GORASP1: variants seen among roughly 807,000 people sequenced by gnomAD.
GORASP1 encodes golgi reassembly stacking protein 1.
A neutral mutation model predicts 37.7 loss-of-function variants in GORASP1; 31 were observed. The observed-to-expected ratio is 0.82, with a 90% confidence interval of 0.62 to 1.11. GORASP1 has a LOEUF of 1.11. Ranked by LOEUF, GORASP1 falls within the 50% of genes least tolerant of loss-of-function variation. GORASP1 has a pLI of 0.00. For missense variants in GORASP1, 476 were observed against 560.7 expected (o/e 0.85, Z 1.53); for synonymous variants, 204 against 224.8 (o/e 0.91, Z 0.83).
chr3:39,098,805 G>A lies in GORASP1; in HGVS notation c.1005C>T (p.Thr335=), dbSNP rs758228204. The A allele has an allele frequency of 3.1e-6, 5 of 1,614,180 alleles. No homozygotes were observed. In the South Asian group the frequency reaches 4.4e-5, roughly 14 times the overall value. ...CTGGCCCTGAGGTTGAGACAGCTGTGGTGGTCAGTTCTGTGGAAGAGGGCA... is the reference window on the plus strand; with the variant it reads ...CTGGCCCTGAGGTTGAGACAGCTGTAGTGGTCAGTTCTGTGGAAGAGGGCA... The part of the protein sequence containing the change: ...PSLPSSTELT[T]TAVSTSGPED... The change falls in exon 8 of 9, where the codon ACC becomes ACT. Residue 335 remains threonine (T), a synonymous_variant. Transcript: ENST00000319283. The surrounding 1 kb of genome is among the most constrained non-coding windows in gnomAD (Gnocchi z 4.7).
At position 39,100,529 on chromosome 3, in the gene GORASP1, C is replaced by G; in HGVS notation, c.567-26G>C. ...CTGCCGAAGGCCAGAAACATTCAAT[C>G]CAGGGGCTTGTCCCACGGCCCTCCC... On this transcript the variant is annotated intron_variant, in intron 5 of 8. Transcript: ENST00000319283. The surrounding 1 kb of genome is among the most constrained non-coding windows in gnomAD (Gnocchi z 4.6). The G allele has an allele frequency of 6.5e-7, 1 of 1,539,866 alleles. No individual in the cohort carries two copies. The highest frequency in any genetic ancestry group is 8.7e-7 in the Non-Finnish European group (1 of 1,145,036).
chr3:39,106,560 G>A (rs370660915), intron 1 of GORASP1, among the ~76,000 whole-genome samples: 1 of 152,074 alleles, frequency 6.6e-6, no homozygotes, highest in African/African-American at 2.4e-5. Flanking sequence ...GCTGGCAACA[G>A]ACCCTACCTT....
chr3:39,104,455 C>A (rs17038467), intron 1 of GORASP1, among the ~76,000 whole-genome samples: 6 of 152,164 alleles, frequency 3.9e-5, no homozygotes. Context: ...AGGCCCTAGA[C>A]CCGAAGATGG....
intron 1 of GORASP1, chr3:39,107,004 C>T: frequency 2.2e-6 from 1 of 453,526 alleles, no homozygotes; most frequent in South Asian, 1.6e-5. Flanking sequence ...ACTGGCAGGA[C>T]GCGCGCCGAC....
chr3:39,102,922 C>T lies in GORASP1; in HGVS notation c.145-41G>A. The T allele has an allele frequency of 6.3e-7, 1 of 1,582,928 alleles. No homozygotes were observed. ...GGCTGACTCCAAGGCCACCTCATGC[C>T]CAGGCTAGGACCCTCAGACAAGTCT... is the stretch of plus-strand genomic sequence containing the variant. On this transcript the variant is annotated intron_variant, in intron 2 of 8. Transcript: ENST00000319283. This position sits in a 1 kb window ranked among gnomAD's most constrained non-coding sequence, Gnocchi z 5.0.
At position 39,098,032 on chromosome 3, in the gene GORASP1, C is replaced by T; in HGVS notation, c.*204G>A. The T allele has an allele frequency of 5.0e-6, 3 of 603,722 alleles. No individual in the cohort carries two copies. In the South Asian group the frequency reaches 6.2e-5, roughly 12 times the overall value. The allele number at this position is 603,722 out of a possible 1,614,324, so 37.4% of individuals were successfully genotyped here. On this transcript the variant is annotated 3_prime_UTR_variant, in exon 9 of 9. Transcript: ENST00000319283. The surrounding 1 kb of genome is among the most constrained non-coding windows in gnomAD (Gnocchi z 4.7). ...CTGCCTCCTGGGAAGCCCCAGTGAC[C>T]AGAGCAGGACCAAGCACTGGACCTG...
rs1420226569 is a variant in GORASP1 at position 39,102,672 on chromosome 3, A to G, written c.348+6T>C. 1.2e-6 allele frequency: 2 copies of G among 1,613,322 alleles called. No individual in the cohort carries two copies. The highest frequency in any genetic ancestry group is 1.1e-5 in the South Asian group (1 of 91,014). On this transcript the variant is annotated splice_donor_region_variant and intron_variant, in intron 3 of 8. Coordinates refer to ENST00000319283, the MANE Select transcript of GORASP1 (RefSeq NM_031899.4). This position sits in a 1 kb window ranked among gnomAD's most constrained non-coding sequence, Gnocchi z 5.0. ...CACACCCTGCCCTGCCATACCCCAC[A>G]CTCACCAGCACATGCCACACCTGCT...
Position 39,099,362 on chromosome 3 carries a change from T to G in GORASP1, c.907A>C (p.Met303Leu). 1 of 1,613,126 alleles carries G rather than the reference T, an allele frequency of 6.2e-7. No homozygotes were observed. Among genetic ancestry groups the G allele is most frequent in the Non-Finnish European group, 8.5e-7 (1 of 1,179,604 alleles). ...LQPPPPVQRV[M>L]DPGFLDVSGI... ...AGGGCCTGCCCAGTACCTGGGTCCA[T>G]AACTCGCTGCACTGGAGGTGGGGGC... The change falls in exon 7 of 9, where the codon ATG becomes CTG. Residue 303 changes from methionine to leucine, a missense_variant. Met to Leu is a conservative substitution (Grantham distance 15). Coordinates refer to ENST00000319283, the MANE Select transcript of GORASP1 (RefSeq NM_031899.4).
At position 39,102,277 on chromosome 3, in the gene GORASP1, C is replaced by T. The variant is rs1474865900; in HGVS notation, c.348+401G>A. On this transcript the variant is annotated intron_variant, in intron 3 of 8. Transcript: ENST00000319283. The surrounding 1 kb of genome is among the most constrained non-coding windows in gnomAD (Gnocchi z 5.0). ...ATATGGTATTATAATCTTATGGGAT[C>T]ACTATTGTATATGCAGTCCGTGGTT... Among the ~76,000 whole-genome samples the T allele has an allele frequency of 6.6e-6, 1 of 152,098 alleles. No homozygotes were observed. Among genetic ancestry groups the T allele is most frequent in the African/African-American group, 2.4e-5 (1 of 41,406 alleles).
Position 39,100,660 on chromosome 3 carries a change from C to A in GORASP1, c.566+87G>T, listed in dbSNP as rs1196224290. The A allele has an allele frequency of 6.5e-7, 1 of 1,544,544 alleles. No homozygotes were observed. The highest frequency in any genetic ancestry group is 8.8e-7 in the Non-Finnish European group (1 of 1,140,972). ...CCTGGGCCCAGGGCCCAACCCTCCTCCATCTCCACCATAGAACTCTGAGGT... is the reference window on the plus strand; with the variant it reads ...CCTGGGCCCAGGGCCCAACCCTCCTACATCTCCACCATAGAACTCTGAGGT... On this transcript the variant is annotated intron_variant, in intron 5 of 8. Coordinates refer to ENST00000319283, the MANE Select transcript of GORASP1 (RefSeq NM_031899.4). The surrounding 1 kb of genome is among the most constrained non-coding windows in gnomAD (Gnocchi z 4.6).
chr3:39,098,387 C>A lies in GORASP1; in HGVS notation c.1172G>T (p.Ser391Ile). 1.2e-6 allele frequency: 2 copies of A among 1,614,162 alleles called. No homozygotes were observed. Among genetic ancestry groups the A allele is most frequent in the South Asian group, 2.2e-5 (2 of 91,056 alleles). The change falls in exon 9 of 9, where the codon AGT becomes ATT. Residue 391 changes from serine (S) to isoleucine (I), a missense_variant. By Grantham distance (142) the Ser-to-Ile change is moderately radical. Coordinates refer to ENST00000319283, the MANE Select transcript of GORASP1 (RefSeq NM_031899.4). The surrounding 1 kb of genome is among the most constrained non-coding windows in gnomAD (Gnocchi z 4.7). Reference protein sequence around the residue: ...DHLPQLTLPDSLTSAASPEDG... With the variant: ...DHLPQLTLPDILTSAASPEDG... ...TTCTGGTGAGGCTGCAGAGGTGAGA[C>A]TGTCAGGAAGAGTCAGCTGAGGCAG...
intron 6 of GORASP1, 134 bp from the exon 7 acceptor site, chr3:39,099,637 T>C (rs930494002): frequency 2.1e-6 from 2 of 961,288 alleles, no homozygotes; most frequent in Non-Finnish European, 3.1e-6. Context: ...GAAATGGCCT[T>C]AATAAACCAC....
chr3:39,102,515 A>C lies in GORASP1; in HGVS notation c.348+163T>G. On this transcript the variant is annotated intron_variant, in intron 3 of 8. Coordinates refer to ENST00000319283, the MANE Select transcript of GORASP1 (RefSeq NM_031899.4). The surrounding 1 kb of genome is among the most constrained non-coding windows in gnomAD (Gnocchi z 5.0). Reference sequence around the variant, plus strand: ...GTAGTAATGAGCTGCCCTCTCTGGGACACTGGAATGAGACCACATCCTGCC... The same window carrying C: ...GTAGTAATGAGCTGCCCTCTCTGGGCCACTGGAATGAGACCACATCCTGCC... The C allele has an allele frequency of 1.5e-6, 1 of 688,484 alleles. No homozygotes were observed. Among genetic ancestry groups the C allele is most frequent in the Non-Finnish European group, 2.6e-6 (1 of 391,818 alleles). 42.6% of individuals were successfully genotyped at this position (688,484 alleles called of 1,614,324 possible).
intron 3 of GORASP1, chr3:39,101,718 A>C: frequency 2.7e-6 from 1 of 363,912 alleles, no homozygotes; most frequent in Non-Finnish European, 5.5e-6. Flanking sequence ...CCTCATGGGC[A>C]GATTAAGGCA....
chr3:39,102,662 C>CAT lies in GORASP1; in HGVS notation c.348+14_348+15dup. On this transcript the variant is annotated intron_variant, in intron 3 of 8. Transcript: ENST00000319283. This position sits in a 1 kb window ranked among gnomAD's most constrained non-coding sequence, Gnocchi z 5.0. ...ATCCTTCCGACACACCCTGCCCTGC[C>CAT]ATACCCCACACTCACCAGCACATGC... 6.2e-7 allele frequency: 1 copy of CAT among 1,613,856 alleles called. No individual in the cohort carries two copies. The highest frequency in any genetic ancestry group is 1.1e-5 in the South Asian group (1 of 91,064).
intron 3 of GORASP1, chr3:39,101,714 G>A: frequency 5.3e-6 from 2 of 380,196 alleles, no homozygotes; most frequent in Admixed American, 3.4e-5. Flanking sequence ...TTTCCCTCAT[G>A]GGCAGATTAA....
At position 39,098,746 on chromosome 3, in the gene GORASP1, C is replaced by T. The variant is rs139163342; in HGVS notation, c.1064G>A (p.Arg355Gln). The change falls in exon 8 of 9, where the codon CGG (arginine) becomes CAG (glutamine). Residue 355 changes from arginine to glutamine, a missense_variant. Arg to Gln is a conservative substitution (Grantham distance 43, BLOSUM62 1). Coordinates refer to ENST00000319283, the MANE Select transcript of GORASP1 (RefSeq NM_031899.4). The surrounding 1 kb of genome is among the most constrained non-coding windows in gnomAD (Gnocchi z 4.7). ...DICSSSSSHE[R>Q]GGEATWSGSE... ...GGAAGGTGATGGCCACTCACCACCC[C>T]GCTCATGAGAACTGCTGCTGGAGCA... is the stretch of plus-strand genomic sequence containing the variant. 6.7e-5 allele frequency: 108 copies of T among 1,613,682 alleles called. No individual in the cohort carries two copies. The African/African-American group carries it at 7.7e-4, about 12-fold the overall frequency.
rs1325092380 is a variant in GORASP1 at position 39,102,322 on chromosome 3, A to AAC, written c.348+354_348+355dup. Among the ~76,000 whole-genome samples, 1 of 152,276 alleles carries AAC rather than the reference A, an allele frequency of 6.6e-6. No individual in the cohort carries two copies. The highest frequency in any genetic ancestry group is 1.9e-4 in the East Asian group (1 of 5,190). On this transcript the variant is annotated intron_variant, in intron 3 of 8. Coordinates refer to ENST00000319283, the MANE Select transcript of GORASP1 (RefSeq NM_031899.4). This position sits in a 1 kb window ranked among gnomAD's most constrained non-coding sequence, Gnocchi z 5.0. ...GTGGTTGACTGAAACGTTGTCATGCAACACACACACGGAGAGACACAGAGA... is the reference window on the plus strand; with the variant it reads ...GTGGTTGACTGAAACGTTGTCATGCAACACACACACACGGAGAGACACAGAGA...
In GORASP1 at chr3:39,098,935, G is replaced by C; in HGVS notation, c.917-42C>G. On this transcript the variant is annotated intron_variant, in intron 7 of 8. Coordinates refer to ENST00000319283, the MANE Select transcript of GORASP1 (RefSeq NM_031899.4). The surrounding 1 kb of genome is among the most constrained non-coding windows in gnomAD (Gnocchi z 4.7). The stretch of plus-strand genomic sequence containing the variant: ...CAGTTCTTTGCCAGCAAGAAACCCT[G>C]ACTGCTGGAAAGCAGCACCCTGGGC... The C allele has an allele frequency of 1.2e-6, 2 of 1,609,834 alleles. No individual in the cohort carries two copies. Among genetic ancestry groups the C allele is most frequent in the Non-Finnish European group, 1.7e-6 (2 of 1,177,912 alleles).
Sources: allele counts gnomAD v4.1 joint callset (sites outside exome capture counted in the v4.1 genomes callset), GRCh38; gene constraint gnomAD v4.1.1; non-coding constraint Gnocchi (gnomAD v3.1); transcripts MANE v1.5; gene names NCBI Gene and HGNC (gene_info 2026-07-23, HGNC 2026-07-21).